The following SYT14 variants were observed in gnomAD, a reference collection of about 807,000 sequenced individuals.
The protein encoded by SYT14 is synaptotagmin-14.
In SYT14, 32 loss-of-function variants were observed where a neutral mutation model predicts 74.2. That is an observed-to-expected ratio of 0.43 (90% confidence interval 0.33 to 0.58). SYT14 has a LOEUF of 0.58. Among genes scored for constraint, SYT14 ranks in the 20% least tolerant of loss-of-function variants. The pLI is 0.05. For missense variants in SYT14, 791 were observed against 981.8 expected, an observed-to-expected ratio of 0.81 and a Z score of 2.60; for synonymous variants, 298 against 337.7, an observed-to-expected ratio of 0.88 and a Z score of 1.29.
At chr1:210,085,709 G>A (rs2081713979) in intron 5 of SYT14, among the ~76,000 whole-genome samples, 1 of 152,144 alleles carries the variant, frequency 6.6e-6, no homozygotes, top group African/African-American at 2.4e-5. Context: ...AATGTTAAAT[G>A]TTGCATGTAT....
chr1:210,070,183 G>A (rs768937599), intron 5 of SYT14, among the ~76,000 whole-genome samples: 3 of 151,954 alleles, frequency 2.0e-5, no homozygotes, highest in Non-Finnish European at 2.9e-5. Flanking sequence ...CGACTGTGCC[G>A]TCACCATACA....
chr1:210,138,994 T>A (rs983699066), intron 7 of SYT14, among the ~76,000 whole-genome samples: 2 of 152,180 alleles, frequency 1.3e-5, no homozygotes, highest in Non-Finnish European at 2.9e-5. Context: ...TGTTATAATT[T>A]GAGCTCAGTA....
intron 5 of SYT14, among the ~76,000 whole-genome samples, chr1:210,090,300 G>A (rs1420031151): frequency 6.6e-6 from 1 of 151,630 alleles, no homozygotes; most frequent in Non-Finnish European, 1.5e-5. Context: ...CTTCCAATTT[G>A]TGAAATGTAT....
intron 2 of SYT14, chr1:209,953,391 A>G (rs754614056): frequency 1.8e-6 from 1 of 554,582 alleles, no homozygotes; most frequent in Non-Finnish European, 2.8e-6. Context: ...AAGGAAAGAT[A>G]TTCCTGGGGA....
At chr1:210,038,575 G>A (rs1469367218) in intron 5 of SYT14, among the ~76,000 whole-genome samples, 2 of 152,016 alleles carry the variant, frequency 1.3e-5, no homozygotes, top group African/African-American at 4.8e-5. Context: ...TCATTTCCAT[G>A]TTTAGAATTC....
exon 10 of SYT14, chr1:210,168,614 CTA>C (rs1348505034): frequency 6.6e-6 from 1 of 152,212 alleles, no homozygotes; most frequent in Non-Finnish European, 1.5e-5. Context: ...TTAAATATGA[CTA>C]TTTTGTTTAA....
At chr1:210,118,337 G>T (rs752608543) in intron 7 of SYT14, among the ~76,000 whole-genome samples, 1 of 152,110 alleles carries the variant, frequency 6.6e-6, no homozygotes, top group Non-Finnish European at 1.5e-5. Flanking sequence ...TTTCTTTGGG[G>T]AGTATCTAGA....
At chr1:210,026,605 T>TACACACACACACACAC (rs368072216) in intron 5 of SYT14, among the ~76,000 whole-genome samples, 2 of 138,268 alleles carry the variant, frequency 1.4e-5, no homozygotes, top group South Asian at 2.5e-4. Context: ...GTATATAGCT[T>TACACACACACACACAC]ACACACACAC....
intron 9 of SYT14, among the ~76,000 whole-genome samples, chr1:210,159,977 TATC>T (rs2083341919): frequency 6.6e-6 from 1 of 152,202 alleles, no homozygotes; most frequent in Admixed American, 6.5e-5. Flanking sequence ...ATAGTTCAGA[TATC>T]ATTCTTAAAA....
intron 2 of SYT14, among the ~76,000 whole-genome samples, chr1:209,974,706 G>T (rs903626642): frequency 2.6e-5 from 4 of 151,998 alleles, no homozygotes; most frequent in Admixed American, 1.3e-4. Context: ...CTCTTTTTTG[G>T]TTCCATATGA....
intron 2 of SYT14, among the ~76,000 whole-genome samples, chr1:209,960,036 T>C (rs2079054536): frequency 6.6e-6 from 1 of 152,210 alleles, no homozygotes; most frequent in South Asian, 2.1e-4. Context: ...TTTATTACTT[T>C]AGATTTTTTA....
At chr1:209,998,762 T>C (rs2079842393) in intron 2 of SYT14, among the ~76,000 whole-genome samples, 1 of 152,012 alleles carries the variant, frequency 6.6e-6, no homozygotes, top group Non-Finnish European at 1.5e-5. Flanking sequence ...AATGAAACTG[T>C]ACTCCTCTCT....
intron 5 of SYT14, among the ~76,000 whole-genome samples, chr1:210,030,171 T>C (rs1000273457): frequency 1.3e-5 from 2 of 151,042 alleles, no homozygotes; most frequent in African/African-American, 4.8e-5. Context: ...TAATGGAGTC[T>C]CGCTCTATTG....
intron 7 of SYT14, among the ~76,000 whole-genome samples, chr1:210,123,286 A>T (rs1172779999): frequency 6.6e-6 from 1 of 152,180 alleles, no homozygotes; most frequent in African/African-American, 2.4e-5. Flanking sequence ...GAAAGAGGGC[A>T]TCAGCAGATG....
At chr1:209,953,294 G>C in intron 2 of SYT14, 1 of 1,264,998 alleles carries the variant, frequency 7.9e-7, no homozygotes. Flanking sequence ...CAAGGAATCA[G>C]GTATTCTCTA....
intron 5 of SYT14, among the ~76,000 whole-genome samples, chr1:210,035,423 G>C (rs964127889): frequency 1.3e-5 from 2 of 151,628 alleles, no homozygotes; most frequent in African/African-American, 4.8e-5. Context: ...AGTTTATATA[G>C]TCCCATTTGT....
chr1:210,041,102 G>T (rs1396426605), intron 5 of SYT14, among the ~76,000 whole-genome samples: 1 of 152,162 alleles, frequency 6.6e-6, no homozygotes, highest in African/African-American at 2.4e-5. Context: ...CCTCAACCTG[G>T]GTAGGACAGA....
At chr1:210,054,487 T>C (rs1161172022) in intron 5 of SYT14, among the ~76,000 whole-genome samples, 1 of 152,216 alleles carries the variant, frequency 6.6e-6, no homozygotes, top group Non-Finnish European at 1.5e-5. Context: ...CTTTTTCTTG[T>C]TCTTATATTA....
At chr1:209,976,070 T>G (rs1320092620) in intron 2 of SYT14, among the ~76,000 whole-genome samples, 1 of 152,204 alleles carries the variant, frequency 6.6e-6, no homozygotes, top group East Asian at 1.9e-4. Flanking sequence ...CATTTTTTAT[T>G]GCATCTATTT....
Sources: gnomAD v4.1 joint callset for allele counts (sites outside exome capture counted in the v4.1 genomes callset) on GRCh38, gnomAD v4.1.1 for gene constraint, MANE v1.5 for transcripts, NCBI Gene and HGNC (gene_info 2026-07-23, HGNC 2026-07-21) for gene names.